Variants in NPAS4 observed in about 807,000 individuals in gnomAD.
NPAS4 encodes the protein neuronal PAS domain protein 4.
In NPAS4, 10 loss-of-function variants were observed where a neutral mutation model predicts 64.0. The ratio of observed to expected loss-of-function variants is 0.16; its 90% CI spans 0.10 to 0.26. The LOEUF is 0.26. Among genes scored for constraint, NPAS4 ranks in the 10% least tolerant of loss-of-function variants. The pLI is 1.00. For missense variants in NPAS4, 886 were observed against 992.6 expected (o/e 0.89, Z 1.44); for synonymous variants, 441 against 411.7 (o/e 1.07, Z -0.86).
At chr11:66,423,065 T>C in intron 4 of NPAS4, 58 bp from the exon 5 acceptor site, 1 of 1,491,100 alleles carries the variant, frequency 6.7e-7, no homozygotes, top group South Asian at 1.2e-5. Context: ...GGGAGTGAGA[T>C]GCATGGGTAT....
At chr11:66,422,597 C>T in intron 3 of NPAS4, 44 bp downstream of exon 3, 1 of 1,597,430 alleles carries the variant, frequency 6.3e-7, no homozygotes, top group Non-Finnish European at 8.6e-7. Context: ...TTCCCACCTG[C>T]TGCCCTTCTC....
upstream of NPAS4, among the ~76,000 whole-genome samples, chr11:66,420,834 C>T (rs938715441): frequency 6.6e-6 from 1 of 152,230 alleles, no homozygotes; most frequent in Admixed American, 6.5e-5. Context: ...CTGCTCCCCC[C>T]TCGCCCGCCT....
At chr11:66,423,380 G>C in intron 5 of NPAS4, 148 bp downstream of exon 5, 1 of 802,088 alleles carries the variant, frequency 1.2e-6, no homozygotes, top group Non-Finnish European at 2.1e-6. Flanking sequence ...ATGAAGGTGA[G>C]GATTCAAGGC....
chr11:66,414,077 C>A, the NPAS4 span, among the ~76,000 whole-genome samples: 1 of 152,156 alleles, frequency 6.6e-6, no homozygotes, highest in South Asian at 2.1e-4. Flanking sequence ...GGGAGACAGC[C>A]AAGTAAACAC....
chr11:66,418,038 T>C (rs1323578458), upstream of NPAS4, among the ~76,000 whole-genome samples: 1 of 152,100 alleles, frequency 6.6e-6, no homozygotes, highest in Admixed American at 6.5e-5. Flanking sequence ...GCTCTTTTCC[T>C]TCAATTGCCC....
At chr11:66,411,593 G>A in the NPAS4 span, among the ~76,000 whole-genome samples, 1 of 152,146 alleles carries the variant, frequency 6.6e-6, no homozygotes, top group South Asian at 2.1e-4. Flanking sequence ...CCTTCAACCT[G>A]ATGGTCCTTT....
At position 66,426,649 on chromosome 11, in the gene NPAS4, T is replaced by C. The variant is rs570751699; in HGVS notation, c.*660T>C. On this transcript the variant is annotated 3_prime_UTR_variant, in exon 8 of 8. Transcript: ENST00000311034. Reference sequence around the variant, plus strand: ...TGGGCCTGCCCAGATGGCCACCTCGTGGTGCTGCGGTGACTTTGTAGCCAA... The same window carrying C: ...TGGGCCTGCCCAGATGGCCACCTCGCGGTGCTGCGGTGACTTTGTAGCCAA... The C allele has an allele frequency of 1.3e-5, 2 of 152,994 alleles. No homozygotes were observed. Among genetic ancestry groups the C allele is most frequent in the African/African-American group, 4.8e-5 (2 of 41,596 alleles). 9.5% of individuals were successfully genotyped at this position (152,994 alleles called of 1,614,324 possible).
In NPAS4 at chr11:66,423,895, T is replaced by A. The variant is rs780127010; in HGVS notation, c.1005T>A (p.Tyr335Ter). Residue 335 changes from tyrosine to a stop codon, truncating the protein, a stop_gained, in exon 7 of 8, where the codon TAT becomes TAA. Transcript: ENST00000311034. LOFTEE classifies it high-confidence loss of function. ...ACTCTGAAGACACCCAGGCAGCTTA[T>A]GTCCTGGGCACTCCGACCATGCTGC... ...QLNSEDTQAA[Y>*]VLGTPTMLPS... The A allele has an allele frequency of 6.2e-7, 1 of 1,613,980 alleles. No homozygotes were observed. Among genetic ancestry groups the A allele is most frequent in the Non-Finnish European group, 8.5e-7 (1 of 1,179,914 alleles).
At chr11:66,410,871 T>C in the NPAS4 span, 2 of 152,332 alleles carry the variant, frequency 1.3e-5, no homozygotes, top group South Asian at 4.1e-4. Flanking sequence ...AGCTAAGAAG[T>C]GCTGGAGACA....
At position 66,424,608 on chromosome 11, in the gene NPAS4, A is replaced by G. The variant is rs1036137227; in HGVS notation, c.1718A>G (p.Lys573Arg). 1.2e-6 allele frequency: 2 copies of G among 1,614,146 alleles called. No individual in the cohort carries two copies. The highest frequency in any genetic ancestry group is 1.7e-6 in the Non-Finnish European group (2 of 1,180,024). The change falls in exon 7 of 8, where the codon AAG (lysine) becomes AGG (arginine). Residue 573 changes from lysine to arginine, a missense_variant. Transcript: ENST00000311034. The part of the protein sequence containing the change: ...AQEGCSFLYE[K>R]LPPSPSSPGN... ...GAGGGATGCAGTTTTCTCTATGAGA[A>G]GTTGCCCCCAAGTCCTAGCAGCCCT...
chr11:66,423,920 C>A lies in NPAS4; in HGVS notation c.1030C>A (p.Pro344Thr), dbSNP rs140299985. ...AYVLGTPTML[P>T]SFPENILSQE... ...TGTCCTGGGCACTCCGACCATGCTG[C>A]CCTCATTCCCTGAAAACATTCTTTC... Residue 344 changes from proline to threonine, a missense_variant, in exon 7 of 8, where the codon CCC becomes ACC. Physicochemically the swap from Pro to Thr is conservative, Grantham distance 38. Transcript: ENST00000311034. 6.2e-6 allele frequency: 10 copies of A among 1,613,960 alleles called. No homozygotes were observed. Among genetic ancestry groups the A allele is most frequent in the Non-Finnish European group, 8.5e-6 (10 of 1,179,986 alleles).
chr11:66,419,907 G>A (rs1193982239), upstream of NPAS4, among the ~76,000 whole-genome samples: 1 of 152,200 alleles, frequency 6.6e-6, no homozygotes, highest in African/African-American at 2.4e-5. Flanking sequence ...GGAGGGTCCG[G>A]CGCTGCCCCT....
the NPAS4 span, among the ~76,000 whole-genome samples, chr11:66,415,095 G>C: frequency 6.6e-6 from 1 of 152,168 alleles, no homozygotes; most frequent in Non-Finnish European, 1.5e-5. Flanking sequence ...AGACCCCCCT[G>C]CCCAAAATGC....
chr11:66,424,699 C>T lies in NPAS4; in HGVS notation c.1809C>T (p.Pro603=). The T allele has an allele frequency of 6.2e-7, 1 of 1,613,082 alleles. No homozygotes were observed. Among genetic ancestry groups the T allele is most frequent in the Non-Finnish European group, 8.5e-7 (1 of 1,179,384 alleles). The change falls in exon 7 of 8, where the codon CCC becomes CCT. Residue 603 remains proline (P), a synonymous_variant. Transcript: ENST00000311034. Reference sequence around the variant, plus strand: ...GGGGCCCCCTCTCTGTGGATGTCCCCCTGGTGCCCGAAGGCCTGCTCACAC... The same window carrying T: ...GGGGCCCCCTCTCTGTGGATGTCCCTCTGGTGCCCGAAGGCCTGCTCACAC... ...QLRGPLSVDV[P]LVPEGLLTPE...
At position 66,423,198 on chromosome 11, in the gene NPAS4, C is replaced by T; in HGVS notation, c.774C>T (p.Asp258=). ...KSWYGLLHPE[D]LAHASAQHYR... ...GGTATGGACTGCTGCACCCCGAGGA[C>T]CTGGCCCACGCTTCTGCTCAACACT... Residue 258 remains aspartate, a synonymous_variant, in exon 5 of 8, where the codon GAC becomes GAT. Transcript: ENST00000311034. 1.2e-6 allele frequency: 2 copies of T among 1,610,248 alleles called. No homozygotes were observed. The highest frequency in any genetic ancestry group is 1.7e-5 in the Admixed American group (1 of 59,622).
At position 66,424,423 on chromosome 11, in the gene NPAS4, G is replaced by C. The variant is rs752554494; in HGVS notation, c.1533G>C (p.Gln511His). 2 of 1,614,068 alleles carry C rather than the reference G, an allele frequency of 1.2e-6. No individual in the cohort carries two copies. The highest frequency in any genetic ancestry group is 3.3e-5 in the Admixed American group (2 of 60,020). The change falls in exon 7 of 8, where the codon CAG (glutamine) becomes CAC (histidine). Residue 511 changes from glutamine to histidine, a missense_variant. Gln to His is a conservative substitution (Grantham distance 24). Coordinates refer to ENST00000311034, the MANE Select transcript of NPAS4 (RefSeq NM_178864.4). ...LTPCTSTFPDQLLPSTATFPE... is the reference protein window; with the variant it reads ...LTPCTSTFPDHLLPSTATFPE... ...CCTGCACCTCCACCTTCCCAGACCA[G>C]CTGCTTCCCAGCACAGCCACCTTCC...
In NPAS4 at chr11:66,422,541, G is replaced by T. The variant is rs749567499; in HGVS notation, c.418G>T (p.Ala140Ser). The T allele has an allele frequency of 1.9e-6, 3 of 1,613,578 alleles. No homozygotes were observed. Among genetic ancestry groups the T allele is most frequent in the South Asian group, 2.2e-5 (2 of 91,068 alleles). ...GCGCCAGCAACTCACCCTGCCCTCT[G>T]CCCTGGACACTGGTAAGGACTCCCT... ...TVRQQLTLPSALDTDRLFRCR... is the reference protein window; with the variant it reads ...TVRQQLTLPSSLDTDRLFRCR... Residue 140 changes from alanine (A) to serine (S), a missense_variant, in exon 3 of 8, where the codon GCC (alanine) becomes TCC (serine). Physicochemically the swap from Ala to Ser is moderately conservative, Grantham distance 99. This residue lies in a region of NPAS4 where 820 missense variants were observed against 855.5 expected (regional missense o/e 0.96). Transcript: ENST00000311034.
At position 66,424,899 on chromosome 11, in the gene NPAS4, C is replaced by G. The variant is rs747904415; in HGVS notation, c.2009C>G (p.Ser670Cys). ...CTTGGAGGACTGGAGCCCCTGGACTCCAACCTGTCCCTGTCAGGGGCAGGC... is the reference window on the plus strand; with the variant it reads ...CTTGGAGGACTGGAGCCCCTGGACTGCAACCTGTCCCTGTCAGGGGCAGGC... Reference protein sequence around the residue: ...EPLGGLEPLDSNLSLSGAGPP... With the variant: ...EPLGGLEPLDCNLSLSGAGPP... Residue 670 changes from serine to cysteine, a missense_variant, in exon 7 of 8, where the codon TCC (serine) becomes TGC (cysteine). Physicochemically the swap from Ser to Cys is moderately radical, Grantham distance 112 (BLOSUM62 -1). This residue lies in a region of NPAS4 where 820 missense variants were observed against 855.5 expected (regional missense o/e 0.96). Transcript: ENST00000311034. The G allele has an allele frequency of 6.2e-7, 1 of 1,613,626 alleles. No homozygotes were observed. Among genetic ancestry groups the G allele is most frequent in the Non-Finnish European group, 8.5e-7 (1 of 1,179,874 alleles).
chr11:66,414,040 A>G, the NPAS4 span, among the ~76,000 whole-genome samples: 1 of 152,198 alleles, frequency 6.6e-6, no homozygotes, highest in African/African-American at 2.4e-5. Flanking sequence ...TGCTGGGAAC[A>G]TGAAGACCAG....
Sources: allele counts gnomAD v4.1 joint callset (sites outside exome capture counted in the v4.1 genomes callset), GRCh38; gene constraint gnomAD v4.1.1; regional missense constraint gnomAD v4.1.1; transcripts MANE v1.5; gene names NCBI Gene and HGNC (gene_info 2026-07-23, HGNC 2026-07-21).